Variants in BICC1 observed in about 807,000 individuals in gnomAD.
The protein encoded by BICC1 is protein bicaudal C homolog 1.
A neutral mutation model predicts 111.0 loss-of-function variants in BICC1; 43 were observed. That is an observed-to-expected ratio of 0.39 (90% CI 0.30 to 0.50). The LOEUF is 0.50. BICC1 is among the 20% of genes least tolerant of loss of function. BICC1 has a pLI of 0.88. For synonymous variants in BICC1, 467 were observed against 434.4 expected, an observed-to-expected ratio of 1.07 and a Z score of -0.93; for missense variants, 1,091 against 1,203.2, an observed-to-expected ratio of 0.91 and a Z score of 1.38.
At chr10:58,554,524 C>G (rs2131926658) in intron 1 of BICC1, among the ~76,000 whole-genome samples, 1 of 152,214 alleles carries the variant, frequency 6.6e-6, no homozygotes, top group East Asian at 1.9e-4. Flanking sequence ...GGTTCAGTTT[C>G]TGAAGTTCCT....
In BICC1 at chr10:58,789,849, T is replaced by C. The variant is rs760654864; in HGVS notation, c.963T>C (p.Pro321=). 2.5e-6 allele frequency: 4 copies of C among 1,614,194 alleles called. No individual in the cohort carries two copies. In the Admixed American group the frequency reaches 6.7e-5, roughly 27 times the overall value. ...GAACAGGTGCTCAGATCCACTTTCC[T>C]GATCCCAGTAATCCACAAAAGAAAT... The part of the protein sequence containing the change: ...MQRTGAQIHF[P]DPSNPQKKST... The change falls in exon 8 of 21, where the codon CCT becomes CCC. Residue 321 remains proline, a synonymous_variant. Coordinates refer to ENST00000373886, the MANE Select transcript of BICC1 (RefSeq NM_001080512.3).
At chr10:58,745,975 G>A (rs1313267307) in intron 3 of BICC1, among the ~76,000 whole-genome samples, 1 of 152,020 alleles carries the variant, frequency 6.6e-6, no homozygotes, top group Non-Finnish European at 1.5e-5. Flanking sequence ...CTATTTTGGA[G>A]CATATATATT....
chr10:58,817,698 C>G lies in BICC1; in HGVS notation c.2670C>G (p.Tyr890Ter). ...ELFSKLGLGK[Y>*]TDVFQQQEID... ...TCAGCAAACTGGGCCTGGGCAAATACACAGATGTTTTCCAGCAACAAGAGG... is the reference window on the plus strand; with the variant it reads ...TCAGCAAACTGGGCCTGGGCAAATAGACAGATGTTTTCCAGCAACAAGAGG... Residue 890 changes from tyrosine to a stop codon, truncating the protein, a stop_gained, in exon 19 of 21, where the codon TAC (tyrosine) becomes TAG (stop). Coordinates refer to ENST00000373886, the MANE Select transcript of BICC1 (RefSeq NM_001080512.3). LOFTEE classifies it high-confidence loss of function. 1 of 1,609,820 alleles carries G rather than the reference C, an allele frequency of 6.2e-7. No individual in the cohort carries two copies. The highest frequency in any genetic ancestry group is 8.5e-7 in the Non-Finnish European group (1 of 1,177,976).
chr10:58,817,635 A>G lies in BICC1; in HGVS notation c.2607A>G (p.Leu869=). The G allele has an allele frequency of 6.2e-7, 1 of 1,613,498 alleles. No individual in the cohort carries two copies. The highest frequency in any genetic ancestry group is 1.3e-5 in the African/African-American group (1 of 75,002). Residue 869 remains leucine (L), a synonymous_variant, in exon 19 of 21, where the codon TTA becomes TTG. Transcript: ENST00000373886. ...SSLTGSNGCN[L]NSSFKGSDLP... The stretch of plus-strand genomic sequence containing the variant: ...TGACAGGAAGCAATGGCTGTAACTT[A>G]AATAGCTCTTTCAAAGGTTCTGACC...
At chr10:58,803,537 G>A (rs945646299) in intron 15 of BICC1, among the ~76,000 whole-genome samples, 3 of 152,088 alleles carry the variant, frequency 2.0e-5, no homozygotes, top group Non-Finnish European at 4.4e-5. Context: ...ATTTTCAGAT[G>A]AGTTTGCGGG....
intron 1 of BICC1, among the ~76,000 whole-genome samples, chr10:58,520,021 G>T (rs886070988): frequency 1.3e-5 from 2 of 152,082 alleles, no homozygotes; most frequent in Non-Finnish European, 2.9e-5. Context: ...TTCATAGATT[G>T]GTCACTTAGG....
chr10:58,631,276 T>A (rs1391858978), intron 2 of BICC1, among the ~76,000 whole-genome samples: 1 of 152,186 alleles, frequency 6.6e-6, no homozygotes, highest in Non-Finnish European at 1.5e-5. Flanking sequence ...ACTCTATGCC[T>A]CTCTAAGTAA....
At chr10:58,775,367 C>T (rs1408053332) in intron 3 of BICC1, among the ~76,000 whole-genome samples, 1 of 150,726 alleles carries the variant, frequency 6.6e-6, no homozygotes, top group Non-Finnish European at 1.5e-5. Context: ...GAGCGAGACT[C>T]TGTCTCAAAA....
At chr10:58,567,504 G>T (rs1389684429) in intron 1 of BICC1, among the ~76,000 whole-genome samples, 1 of 151,418 alleles carries the variant, frequency 6.6e-6, no homozygotes, top group Non-Finnish European at 1.5e-5. Context: ...GTCTTTTGGG[G>T]TGTATGTATA....
chr10:58,617,691 C>T (rs184034680), intron 1 of BICC1, among the ~76,000 whole-genome samples: 11 of 152,304 alleles, frequency 7.2e-5, no homozygotes, highest in Middle Eastern at 3.4e-3. Flanking sequence ...TAATCTGCAC[C>T]GACAGCTTGG....
intron 1 of BICC1, among the ~76,000 whole-genome samples, chr10:58,523,765 A>T (rs7393581): frequency 0.46 from 69,346 of 151,242 alleles, 16,900 homozygotes; most frequent in Admixed American, 0.62. Flanking sequence ...AGTCAAATTG[A>T]CCCTGTTTGC....
chr10:58,656,443 T>C (rs3999632), intron 2 of BICC1, among the ~76,000 whole-genome samples: 1 of 148,758 alleles, frequency 6.7e-6, no homozygotes, highest in Non-Finnish European at 1.5e-5. Flanking sequence ...TGATGCAAAA[T>C]TCCTCAATAA....
At chr10:58,559,874 A>G (rs1843556651) in intron 1 of BICC1, among the ~76,000 whole-genome samples, 1 of 151,994 alleles carries the variant, frequency 6.6e-6, no homozygotes, top group Non-Finnish European at 1.5e-5. Context: ...TTTGTGATAT[A>G]TCATGTTTAT....
intron 2 of BICC1, among the ~76,000 whole-genome samples, chr10:58,687,691 G>C (rs1219789230): frequency 1.3e-5 from 2 of 152,182 alleles, no homozygotes; most frequent in Non-Finnish European, 2.9e-5. Flanking sequence ...ATAATCTCTT[G>C]GTGTGCCATT....
chr10:58,674,677 G>T (rs2132335739), intron 2 of BICC1, among the ~76,000 whole-genome samples: 1 of 152,314 alleles, frequency 6.6e-6, no homozygotes, highest in East Asian at 1.9e-4. Context: ...CAGCTCAGAG[G>T]AAGGAGAGAT....
Position 58,528,458 on chromosome 10 carries a change from A to G in BICC1, c.190+15125A>G, listed in dbSNP as rs761936100. Among the ~76,000 whole-genome samples the G allele has an allele frequency of 4.2e-4, 64 of 152,062 alleles. 1 individual carries two copies. Among genetic ancestry groups the G allele is most frequent in the Non-Finnish European group, 8.1e-4 (55 of 67,900 alleles). On this transcript the variant is annotated intron_variant, in intron 1 of 20. Coordinates refer to ENST00000373886, the MANE Select transcript of BICC1 (RefSeq NM_001080512.3). ...GGTTAATATAATTTCAGTTTATTTCATTGCCGACACTGAATTATCTTGTTC... is the reference window on the plus strand; with the variant it reads ...GGTTAATATAATTTCAGTTTATTTCGTTGCCGACACTGAATTATCTTGTTC...
At chr10:58,663,066 CTTTT>C (rs142149688) in intron 2 of BICC1, among the ~76,000 whole-genome samples, 8 of 81,706 alleles carry the variant, frequency 9.8e-5, no homozygotes, top group Admixed American at 1.4e-4. Flanking sequence ...TTTTCTTTTT[CTTTT>C]TTTTTTTTTT....
At chr10:58,792,952 C>G (rs1843228361) in intron 8 of BICC1, among the ~76,000 whole-genome samples, 1 of 152,028 alleles carries the variant, frequency 6.6e-6, no homozygotes, top group African/African-American at 2.4e-5. Flanking sequence ...GTACAAGATC[C>G]TCTTAAAGGA....
intron 18 of BICC1, 133 bp downstream of exon 18, chr10:58,814,119 A>T (rs1280824700): frequency 9.6e-7 from 1 of 1,040,852 alleles, no homozygotes; most frequent in African/African-American, 1.6e-5. Context: ...CTCCTCTGTG[A>T]AGCCTCCTTG....
Sources: allele counts gnomAD v4.1 joint callset (sites outside exome capture counted in the v4.1 genomes callset), GRCh38; gene constraint gnomAD v4.1.1; transcripts MANE v1.5; gene names NCBI Gene and HGNC (gene_info 2026-07-23, HGNC 2026-07-21).